NDST4: variants seen among roughly 807,000 people sequenced by gnomAD.
NDST4 encodes the protein N-heparan sulfate sulfotransferase 4.
In NDST4, 63 loss-of-function variants were observed where a neutral mutation model predicts 100.8. The observed-to-expected ratio is 0.62, with a 90% CI of 0.51 to 0.77. The LOEUF (loss-of-function observed/expected upper bound fraction) is 0.77. Ranked by LOEUF, NDST4 falls within the 30% of genes least tolerant of loss-of-function variation. The pLI is 0.00. For missense variants in NDST4, 943 were observed against 1,018.4 expected, an observed-to-expected ratio of 0.93 and a Z score of 1.01; for synonymous variants, 377 against 361.8, an observed-to-expected ratio of 1.04 and a Z score of -0.48.
At chr4:114,979,845 CG>C (rs1240490843) in intron 2 of NDST4, among the ~76,000 whole-genome samples, 3 of 151,366 alleles carry the variant, frequency 2.0e-5, no homozygotes, top group Non-Finnish European at 4.4e-5. Context: ...AAAAACAAAA[CG>C]AATGAAAAAA....
intron 7 of NDST4, among the ~76,000 whole-genome samples, chr4:114,857,040 A>T (rs1723812314): frequency 6.6e-6 from 1 of 152,192 alleles, no homozygotes; most frequent in Non-Finnish European, 1.5e-5. Context: ...GCAGTAGGTA[A>T]GGCTGAAGTA....
chr4:115,078,001 A>G (rs372307862), intron 1 of NDST4, among the ~76,000 whole-genome samples: 1 of 152,218 alleles, frequency 6.6e-6, no homozygotes, highest in African/African-American at 2.4e-5. Context: ...AATAAGAATT[A>G]AAACTCTTAC....
At chr4:114,993,404 C>T (rs1727083005) in intron 2 of NDST4, among the ~76,000 whole-genome samples, 1 of 151,874 alleles carries the variant, frequency 6.6e-6, no homozygotes, top group Non-Finnish European at 1.5e-5. Context: ...ATTATTGTTT[C>T]TGTTTTAAGT....
intron 4 of NDST4, among the ~76,000 whole-genome samples, chr4:114,939,440 A>G (rs935183386): frequency 1.3e-5 from 2 of 152,172 alleles, no homozygotes; most frequent in African/African-American, 4.8e-5. Flanking sequence ...GACAAAATCA[A>G]CAGTGTACAA....
At chr4:114,866,628 C>A (rs61552511) in intron 7 of NDST4, among the ~76,000 whole-genome samples, 15,214 of 151,910 alleles carry the variant, frequency 0.1, 971 homozygotes, top group African/African-American at 0.17. Flanking sequence ...CAAATATGAA[C>A]CAAACAAAGT....
chr4:115,108,026 T>A (rs927418560), intron 1 of NDST4, among the ~76,000 whole-genome samples: 1 of 152,008 alleles, frequency 6.6e-6, no homozygotes, highest in Non-Finnish European at 1.5e-5. Flanking sequence ...ATTTATTGAT[T>A]GTGTTTTATT....
intron 6 of NDST4, among the ~76,000 whole-genome samples, chr4:114,889,162 A>C (rs886538692): frequency 5.3e-5 from 8 of 152,192 alleles, no homozygotes; most frequent in Non-Finnish European, 1.0e-4. Flanking sequence ...GTGTTTGAGC[A>C]AAAGAAAAGC....
chr4:114,856,048 C>T (rs1335420945), intron 7 of NDST4, among the ~76,000 whole-genome samples: 1 of 151,480 alleles, frequency 6.6e-6, no homozygotes, highest in Non-Finnish European at 1.5e-5. Flanking sequence ...GAGATAAGCC[C>T]CTTCCTTTCC....
intron 6 of NDST4, among the ~76,000 whole-genome samples, chr4:114,894,233 A>G (rs1042445334): frequency 6.6e-6 from 1 of 151,960 alleles, no homozygotes; most frequent in Admixed American, 6.6e-5. Context: ...GTCTTCCTTC[A>G]TTCCATATGA....
intron 2 of NDST4, among the ~76,000 whole-genome samples, chr4:115,024,203 A>C (rs547575373): frequency 3.9e-5 from 6 of 152,268 alleles, no homozygotes; most frequent in Admixed American, 1.3e-4. Context: ...ACTCTAGAGA[A>C]TCCTCACTTG....
At chr4:114,831,587 T>G (rs1056823257) in intron 12 of NDST4, among the ~76,000 whole-genome samples, 3 of 152,192 alleles carry the variant, frequency 2.0e-5, no homozygotes, top group Non-Finnish European at 4.4e-5. Context: ...GAGCATCTCC[T>G]TTGCTCTCAG....
chr4:114,942,244 A>G (rs1344121227), intron 4 of NDST4, among the ~76,000 whole-genome samples: 1 of 152,194 alleles, frequency 6.6e-6, no homozygotes, highest in Non-Finnish European at 1.5e-5. Context: ...ACTTACGTTA[A>G]GCACTTTGCT....
intron 2 of NDST4, among the ~76,000 whole-genome samples, chr4:114,981,216 TGGAAGGAAGGAAGGAAGGAAGGAAGGAA>T (rs61595600): frequency 3.6e-5 from 5 of 137,044 alleles, no homozygotes; most frequent in South Asian, 2.4e-4. Flanking sequence ...GAAGAAAGGA[TGGAAGGAAGGAAGGAAGGAAGGAAGGAA>T]GGAAGGAAGG....
intron 6 of NDST4, among the ~76,000 whole-genome samples, chr4:114,897,806 T>C (rs1251485547): frequency 6.6e-6 from 1 of 152,228 alleles, no homozygotes; most frequent in Non-Finnish European, 1.5e-5. Context: ...TGCATTTCCC[T>C]GATGACATGA....
At chr4:114,863,086 C>T (rs1278023682) in intron 7 of NDST4, among the ~76,000 whole-genome samples, 1 of 152,116 alleles carries the variant, frequency 6.6e-6, no homozygotes, top group African/African-American at 2.4e-5. Flanking sequence ...ATTTTATATT[C>T]TGAACATGTT....
chr4:114,888,872 C>T (rs1724534982), intron 6 of NDST4, among the ~76,000 whole-genome samples: 1 of 152,058 alleles, frequency 6.6e-6, no homozygotes, highest in Non-Finnish European at 1.5e-5. Context: ...CATAGTCATT[C>T]TCATTTTTTT....
At chr4:114,968,469 T>C (rs1221593504) in intron 4 of NDST4, among the ~76,000 whole-genome samples, 1 of 152,176 alleles carries the variant, frequency 6.6e-6, no homozygotes, top group East Asian at 1.9e-4. Context: ...CATGGCTTAA[T>C]TAACGTCTAG....
At chr4:114,855,563 T>A (rs540493416) in intron 7 of NDST4, among the ~76,000 whole-genome samples, 1 of 152,272 alleles carries the variant, frequency 6.6e-6, no homozygotes, top group Admixed American at 6.5e-5. Context: ...TTGACATCTT[T>A]GGTGAAAATG....
intron 13 of NDST4, among the ~76,000 whole-genome samples, chr4:114,829,141 C>T (rs187652921): frequency 1.3e-5 from 2 of 152,088 alleles, no homozygotes; most frequent in Admixed American, 1.3e-4. Context: ...CCCCTTTGCC[C>T]ACCTTGCCAT....
Sources: gnomAD v4.1 joint callset for allele counts (sites outside exome capture counted in the v4.1 genomes callset) on GRCh38, gnomAD v4.1.1 for gene constraint, MANE v1.5 for transcripts, NCBI Gene and HGNC (gene_info 2026-07-23, HGNC 2026-07-21) for gene names.